TMEM181: variants seen among roughly 807,000 people sequenced by gnomAD.
TMEM181 encodes transmembrane protein 181.
Under a neutral mutation model 71.9 loss-of-function variants are expected in TMEM181, and 39 were observed. That is an observed-to-expected ratio of 0.54 (90% CI 0.42 to 0.71). The LOEUF (loss-of-function observed/expected upper bound fraction) is 0.71, where lower values mean the gene tolerates loss of function less well. Ranked by LOEUF, TMEM181 falls within the 30% of genes least tolerant of loss-of-function variation. The pLI is 0.00. For synonymous variants in TMEM181, 245 were observed against 228.8 expected (o/e 1.07, Z -0.64); for missense variants, 595 against 583.0 (o/e 1.02, Z -0.21).
intron 11 of TMEM181, among the ~76,000 whole-genome samples, chr6:158,624,139 G>T (rs941730069): frequency 1.1e-4 from 17 of 152,192 alleles, no homozygotes; most frequent in Admixed American, 6.5e-5. Flanking sequence ...TGTCACTGTG[G>T]TTCTGGTCGG....
intron 10 of TMEM181, among the ~76,000 whole-genome samples, chr6:158,622,980 G>A (rs1295549445): frequency 1.3e-5 from 2 of 152,148 alleles, no homozygotes; most frequent in Non-Finnish European, 2.9e-5. Flanking sequence ...GCCTAGTGTG[G>A]TAGCAGCCTG....
chr6:158,583,367 T>C (rs79068292), intron 3 of TMEM181, among the ~76,000 whole-genome samples: 2,543 of 152,326 alleles, frequency 0.017, 70 homozygotes, highest in African/African-American at 0.057. Context: ...TTTCTTGATA[T>C]TTAAGTAAGT....
chr6:158,603,427 G>C (rs772514396), intron 6 of TMEM181, among the ~76,000 whole-genome samples: 1 of 152,172 alleles, frequency 6.6e-6, no homozygotes, highest in East Asian at 1.9e-4. Context: ...GACCTGAAGA[G>C]CTCAGGCGGT....
At chr6:158,583,829 T>C in intron 3 of TMEM181, 125 bp from the exon 4 acceptor site, 2 of 624,754 alleles carry the variant, frequency 3.2e-6, no homozygotes, top group Non-Finnish European at 5.3e-6. Flanking sequence ...ACCTCACATA[T>C]TTCTGTTTCA....
At chr6:158,584,179 A>T in intron 4 of TMEM181, 135 bp downstream of exon 4, 1 of 734,290 alleles carries the variant, frequency 1.4e-6, no homozygotes, top group East Asian at 2.9e-5. Flanking sequence ...TATTTATCAT[A>T]GCAACAAATT....
In TMEM181 at chr6:158,620,770, GCTTC is replaced by G. The variant is rs1301345308; in HGVS notation, c.897-2777_897-2774del. On this transcript the variant is annotated intron_variant, in intron 10 of 16. Transcript: ENST00000684151. The surrounding 1 kb of genome is among the most constrained non-coding windows in gnomAD (Gnocchi z 4.5). ...TCAGGACAAGCTGCCGCTGCCCACTGCTTCCTGGGTTGCAAGAGAGCCTCTGTCC... is the reference window on the plus strand; with the variant it reads ...TCAGGACAAGCTGCCGCTGCCCACTGCTGGGTTGCAAGAGAGCCTCTGTCC... 3.3e-5 allele frequency among the ~76,000 whole-genome samples: 5 copies of G among 152,244 alleles called. No individual in the cohort carries two copies. Among genetic ancestry groups the G allele is most frequent in the Non-Finnish European group, 7.3e-5 (5 of 68,050 alleles).
chr6:158,553,578 G>A (rs1026852979), intron 1 of TMEM181, among the ~76,000 whole-genome samples: 1 of 152,190 alleles, frequency 6.6e-6, no homozygotes, highest in South Asian at 2.1e-4. Flanking sequence ...TTTAGGCTGT[G>A]TTTATAGTTT....
intron 1 of TMEM181, among the ~76,000 whole-genome samples, chr6:158,571,587 C>T (rs143162441): frequency 0.039 from 5,934 of 152,118 alleles, 219 homozygotes; most frequent in Non-Finnish European, 0.057. Context: ...CATGAGCCAC[C>T]GCGCCCGGCC....
At chr6:158,626,674 A>AT (rs1562315484) in intron 13 of TMEM181, 3 of 457,168 alleles carry the variant, frequency 6.6e-6, no homozygotes, top group Non-Finnish European at 1.3e-5. Flanking sequence ...ATAATGCTGC[A>AT]TGTGTGTTGT....
intron 1 of TMEM181, among the ~76,000 whole-genome samples, chr6:158,560,702 T>G (rs1437660745): frequency 6.6e-6 from 1 of 152,144 alleles, no homozygotes; most frequent in Non-Finnish European, 1.5e-5. Context: ...GGTGCGAGGC[T>G]CTCAGAGGCG....
rs1466757715 is a variant in TMEM181 at position 158,583,960 on chromosome 6, C to G, written c.175C>G (p.Pro59Ala). ...TTTGTTTTTTTTTCTTCAGCTAAAGCCAATTCAAATACTTTCAAATCCACT... is the reference window on the plus strand; with the variant it reads ...TTTGTTTTTTTTTCTTCAGCTAAAGGCAATTCAAATACTTTCAAATCCACT... ...FSLNNSKKLK[P>A]IQILSNPLST... is the part of the protein sequence containing the mutation. The change falls in exon 4 of 17, where the codon CCA (proline) becomes GCA (alanine). Residue 59 changes from proline (P) to alanine (A), a missense_variant. Pro to Ala is a conservative substitution (Grantham distance 27). Transcript: ENST00000684151. 4 of 1,601,908 alleles carry G rather than the reference C, an allele frequency of 2.5e-6. No homozygotes were observed. Among genetic ancestry groups the G allele is most frequent in the Non-Finnish European group, 3.4e-6 (4 of 1,173,928 alleles).
At chr6:158,597,619 GT>G (rs1261645284) in intron 6 of TMEM181, among the ~76,000 whole-genome samples, 4 of 152,110 alleles carry the variant, frequency 2.6e-5, no homozygotes, top group Non-Finnish European at 5.9e-5. Context: ...TTCCACCTCA[GT>G]CTCCTGAGTA....
chr6:158,608,598 G>A (rs1785102309), intron 9 of TMEM181, 61 bp from the exon 10 acceptor site: 12 of 1,597,378 alleles, frequency 7.5e-6, no homozygotes, highest in East Asian at 2.2e-5. Context: ...GAAAAATCAC[G>A]TTATGTACAA....
chr6:158,577,751 A>G (rs1783244396), intron 2 of TMEM181, among the ~76,000 whole-genome samples: 1 of 152,142 alleles, frequency 6.6e-6, no homozygotes, highest in Non-Finnish European at 1.5e-5. Flanking sequence ...CTCATCAGAA[A>G]CTTTGGAGAC....
At chr6:158,619,993 AGGTCC>A (rs1785865691) in intron 10 of TMEM181, among the ~76,000 whole-genome samples, 8 of 152,220 alleles carry the variant, frequency 5.3e-5, no homozygotes, top group Admixed American at 1.3e-4. Context: ...AAAATTGTCA[AGGTCC>A]CTGAGAATCT....
At chr6:158,592,006 C>A (rs1784137228) in intron 6 of TMEM181, among the ~76,000 whole-genome samples, 1 of 152,158 alleles carries the variant, frequency 6.6e-6, no homozygotes, top group African/African-American at 2.4e-5. Flanking sequence ...AAGACGTTAC[C>A]ATGGGAACCA....
At chr6:158,563,022 T>C (rs1782273703) in intron 1 of TMEM181, among the ~76,000 whole-genome samples, 1 of 152,252 alleles carries the variant, frequency 6.6e-6, no homozygotes, top group African/African-American at 2.4e-5. Flanking sequence ...TCTGCTCCTC[T>C]CAATAACAGC....
At chr6:158,579,536 A>G (rs1201768547) in intron 2 of TMEM181, among the ~76,000 whole-genome samples, 1 of 133,896 alleles carries the variant, frequency 7.5e-6, no homozygotes, top group Non-Finnish European at 1.6e-5. Context: ...CCTGGCCAAC[A>G]TGATGAAACC....
intron 1 of TMEM181, among the ~76,000 whole-genome samples, chr6:158,541,177 A>T (rs776276738): frequency 6.6e-6 from 1 of 152,038 alleles, no homozygotes; most frequent in Non-Finnish European, 1.5e-5. Flanking sequence ...GCACTTTGGG[A>T]GGCTGATGGG....
Sources: gnomAD v4.1 joint callset for allele counts (sites outside exome capture counted in the v4.1 genomes callset) on GRCh38, gnomAD v4.1.1 for gene constraint, Gnocchi (gnomAD v3.1) non-coding constraint, MANE v1.5 for transcripts, NCBI Gene and HGNC (gene_info 2026-07-23, HGNC 2026-07-21) for gene names.